The following SEMA6D variants were observed in gnomAD, a reference collection of about 807,000 sequenced individuals.
SEMA6D encodes semaphorin 6D, also known as semaphorin-6D.
SEMA6D carries 35 observed loss-of-function variants against 106.6 expected under a neutral mutation model. The observed-to-expected ratio is 0.33, with a 90% confidence interval of 0.25 to 0.44. The LOEUF (loss-of-function observed/expected upper bound fraction) is 0.44. Ranked by LOEUF, SEMA6D falls within the 20% of genes least tolerant of loss-of-function variation. The pLI is 1.00. For synonymous variants in SEMA6D, 499 were observed against 487.7 expected, an observed-to-expected ratio of 1.02 and a Z score of -0.31; for missense variants, 1,185 against 1,345.9, an observed-to-expected ratio of 0.88 and a Z score of 1.87.
chr15:47,669,202 G>C (rs1439161283), intron 4 of SEMA6D, among the ~76,000 whole-genome samples: 1 of 151,978 alleles, frequency 6.6e-6, no homozygotes, highest in Non-Finnish European at 1.5e-5. Context: ...AGGCCTTCCT[G>C]GCATCCTTTT....
intron 3 of SEMA6D, among the ~76,000 whole-genome samples, chr15:47,479,063 A>G (rs567446192): frequency 6.6e-6 from 1 of 152,220 alleles, no homozygotes; most frequent in African/African-American, 2.4e-5. Context: ...GGGAGCTACA[A>G]TTCAAGATGA....
At chr15:47,686,540 A>G (rs2078472829) in intron 4 of SEMA6D, among the ~76,000 whole-genome samples, 1 of 152,230 alleles carries the variant, frequency 6.6e-6, no homozygotes, top group Admixed American at 6.5e-5. Context: ...AACATTATGG[A>G]TAAACAAAAG....
chr15:47,589,816 A>T (rs1192857188), intron 3 of SEMA6D, among the ~76,000 whole-genome samples: 1 of 152,310 alleles, frequency 6.6e-6, no homozygotes, highest in East Asian at 1.9e-4. Flanking sequence ...GCCAAATTGT[A>T]GTAGGTTGAG....
At chr15:47,234,336 A>G (rs1337557296) in intron 1 of SEMA6D, among the ~76,000 whole-genome samples, 1 of 151,916 alleles carries the variant, frequency 6.6e-6, no homozygotes, top group African/African-American at 2.4e-5. Flanking sequence ...AAAAATATAT[A>G]TTATTTTAAT....
chr15:47,272,493 C>G (rs532534168), intron 1 of SEMA6D: 1 of 152,258 alleles, frequency 6.6e-6, no homozygotes, highest in African/African-American at 2.4e-5. Context: ...TGCTTTTGAT[C>G]AAAAGTAATC....
chr15:47,559,879 G>T (rs1385414255), intron 3 of SEMA6D, among the ~76,000 whole-genome samples: 1 of 152,074 alleles, frequency 6.6e-6, no homozygotes, highest in African/African-American at 2.4e-5. Flanking sequence ...AAGCCTTACT[G>T]GCTGAAGGTG....
At chr15:47,466,460 A>G (rs1224392144) in intron 2 of SEMA6D, among the ~76,000 whole-genome samples, 2 of 152,058 alleles carry the variant, frequency 1.3e-5, no homozygotes, top group Admixed American at 1.3e-4. Context: ...CTCAAAGTTC[A>G]TTCATGTTGA....
At chr15:47,518,404 T>C (rs768266998) in intron 3 of SEMA6D, among the ~76,000 whole-genome samples, 1 of 152,178 alleles carries the variant, frequency 6.6e-6, no homozygotes, top group Non-Finnish European at 1.5e-5. Context: ...TGAACAGTGA[T>C]GCATCATTTA....
intron 1 of SEMA6D, among the ~76,000 whole-genome samples, chr15:47,355,590 C>T: frequency 6.6e-6 from 1 of 152,202 alleles, no homozygotes; most frequent in Non-Finnish European, 1.5e-5. Flanking sequence ...ATCTGGTTTG[C>T]TCTAACTCCT....
At chr15:47,250,305 G>T (rs752034021) in intron 1 of SEMA6D, among the ~76,000 whole-genome samples, 32 of 151,746 alleles carry the variant, frequency 2.1e-4, no homozygotes, top group Admixed American at 3.3e-4. Context: ...AACTCTCTGG[G>T]ATGTCTAAAC....
chr15:47,432,471 C>T (rs1045180461), intron 2 of SEMA6D, among the ~76,000 whole-genome samples: 4 of 140,828 alleles, frequency 2.8e-5, no homozygotes, highest in Admixed American at 2.2e-4. Flanking sequence ...TCCATAAACA[C>T]ACACATTTAT....
chr15:47,345,932 A>G (rs1464268749), intron 1 of SEMA6D, among the ~76,000 whole-genome samples: 1 of 152,150 alleles, frequency 6.6e-6, no homozygotes, highest in African/African-American at 2.4e-5. Context: ...ACATATGCCT[A>G]AATTTATTAG....
intron 1 of SEMA6D, among the ~76,000 whole-genome samples, chr15:47,189,139 A>G (rs1893778109): frequency 6.6e-6 from 1 of 152,104 alleles, no homozygotes; most frequent in Admixed American, 6.5e-5. Flanking sequence ...GGAAACTCCC[A>G]TACACTTCTC....
intron 1 of SEMA6D, among the ~76,000 whole-genome samples, chr15:47,266,486 A>T (rs899078037): frequency 6.6e-6 from 1 of 152,038 alleles, no homozygotes; most frequent in African/African-American, 2.4e-5. Context: ...AAAAGCCTTA[A>T]GTCTTTTTTG....
chr15:47,481,755 A>G (rs530879366), intron 3 of SEMA6D, among the ~76,000 whole-genome samples: 2 of 152,164 alleles, frequency 1.3e-5, no homozygotes, highest in African/African-American at 4.8e-5. Flanking sequence ...TCCTGACTCT[A>G]CTGCTGGGGA....
chr15:47,748,812 G>A lies in SEMA6D; in HGVS notation c.-54-10933G>A, dbSNP rs114255887. 4.1e-3 allele frequency among the ~76,000 whole-genome samples: 625 copies of A among 152,320 alleles called. 3 individuals are homozygous for A. Among genetic ancestry groups the A allele is most frequent in the African/African-American group, 0.015 (607 of 41,568 alleles). ...CATTAAAGTGCTTTTGGACAGGGAT[G>A]TAACATGATAGCATTTGTGTTTTAG... On this transcript the variant is annotated intron_variant, in intron 1 of 18. Coordinates refer to ENST00000536845, the MANE Select transcript of SEMA6D (RefSeq NM_001358351.3).
In SEMA6D at chr15:47,767,177, C is replaced by T. The variant is rs373414918; in HGVS notation, c.1765+84C>T. 1.2e-4 allele frequency: 106 copies of T among 861,562 alleles called. 1 individual carries two copies. The East Asian group carries it at 2.2e-3, about 18-fold the overall frequency. The allele number at this position is 861,562 out of a possible 1,614,324, so 53.4% of individuals were successfully genotyped here. ...TTCAGCCCCTTCTCCCCTCCTTTTG[C>T]GCAGTTTGGCAGCCCTTCATTTTTC... On this transcript the variant is annotated intron_variant, in intron 17 of 18. Coordinates refer to ENST00000536845, the MANE Select transcript of SEMA6D (RefSeq NM_001358351.3).
intron 1 of SEMA6D, among the ~76,000 whole-genome samples, chr15:47,299,298 A>C (rs1421289456): frequency 1.3e-5 from 2 of 152,212 alleles, no homozygotes; most frequent in African/African-American, 4.8e-5. Context: ...GACAAAACTC[A>C]GTTTGCTTGG....
At chr15:47,736,766 A>G (rs1366207849) in intron 1 of SEMA6D, among the ~76,000 whole-genome samples, 2 of 152,226 alleles carry the variant, frequency 1.3e-5, no homozygotes, top group Non-Finnish European at 2.9e-5. Flanking sequence ...CAACTGAGGT[A>G]CAAATGTTTT....
Sources: gnomAD v4.1 joint callset for allele counts (sites outside exome capture counted in the v4.1 genomes callset) on GRCh38, gnomAD v4.1.1 for gene constraint, MANE v1.5 for transcripts, NCBI Gene and HGNC (gene_info 2026-07-23, HGNC 2026-07-21) for gene names.